Variants in AKAP7 observed in about 807,000 individuals in gnomAD.
AKAP7 encodes the protein A kinase (PRKA) anchor protein 7.
A neutral mutation model predicts 39.5 loss-of-function variants in AKAP7; 39 were observed. The ratio of observed to expected loss-of-function variants is 0.99; its 90% confidence interval spans 0.76 to 1.29. The LOEUF is 1.29. Ranked by LOEUF, AKAP7 falls within the 50% of genes most tolerant of loss-of-function variation. The pLI is 0.00. For synonymous variants in AKAP7, 140 were observed against 139.1 expected, an observed-to-expected ratio of 1.01 and a Z score of -0.05; for missense variants, 414 against 407.7, an observed-to-expected ratio of 1.02 and a Z score of -0.13.
rs1262584581 is a variant in AKAP7 at position 131,281,258 on chromosome 6, A to G, written c.851-272A>G. Among the ~76,000 whole-genome samples the G allele has an allele frequency of 4.6e-5, 7 of 152,240 alleles. No individual in the cohort carries two copies. The highest frequency in any genetic ancestry group is 1.4e-4 in the African/African-American group (6 of 41,458). Reference sequence around the variant, plus strand: ...AATTAGCCTTGGATGAGAGAAGAACAGAAATTCACATATAAATGGGAAACA... The same window carrying G: ...AATTAGCCTTGGATGAGAGAAGAACGGAAATTCACATATAAATGGGAAACA... On this transcript the variant is annotated intron_variant, in intron 7 of 7. Transcript: ENST00000431975. This position sits in a 1 kb window ranked among gnomAD's most constrained non-coding sequence, Gnocchi z 4.0.
chr6:131,178,119 T>G (rs1009176343), intron 5 of AKAP7, among the ~76,000 whole-genome samples: 2 of 152,254 alleles, frequency 1.3e-5, no homozygotes, highest in African/African-American at 4.8e-5. Flanking sequence ...AGGATTTTGT[T>G]TCATAGCTCA....
intron 7 of AKAP7, among the ~76,000 whole-genome samples, chr6:131,221,773 G>A (rs1019249052): frequency 1.3e-5 from 2 of 152,104 alleles, no homozygotes; most frequent in Non-Finnish European, 2.9e-5. Flanking sequence ...TCTGTTAATA[G>A]CATGGTTTAC....
At chr6:131,145,921 TATA>T (rs1801448140) in intron 2 of AKAP7, among the ~76,000 whole-genome samples, 2 of 152,178 alleles carry the variant, frequency 1.3e-5, no homozygotes, top group South Asian at 2.1e-4. Flanking sequence ...TATATTCATA[TATA>T]ATAATATCTG....
At chr6:131,236,648 T>A (rs1246642574) in intron 7 of AKAP7, among the ~76,000 whole-genome samples, 8 of 152,216 alleles carry the variant, frequency 5.3e-5, no homozygotes, top group Non-Finnish European at 8.8e-5. Context: ...TTCCTAGGTA[T>A]TTTATTCTCC....
intron 7 of AKAP7, among the ~76,000 whole-genome samples, chr6:131,262,633 C>A (rs1813446676): frequency 6.6e-6 from 1 of 151,034 alleles, no homozygotes; most frequent in South Asian, 2.1e-4. Flanking sequence ...ATATATATTG[C>A]AATAATTCAA....
intron 7 of AKAP7, among the ~76,000 whole-genome samples, chr6:131,221,354 C>T (rs1809679659): frequency 6.6e-6 from 1 of 152,160 alleles, no homozygotes; most frequent in Non-Finnish European, 1.5e-5. Flanking sequence ...CCAGCAGAGG[C>T]TGGTTCATGA....
At chr6:131,203,356 C>G (rs1807794976) in intron 6 of AKAP7, among the ~76,000 whole-genome samples, 4 of 151,906 alleles carry the variant, frequency 2.6e-5, no homozygotes, top group African/African-American at 9.7e-5. Flanking sequence ...AAGCAAGTGA[C>G]CATTAAATAA....
At chr6:131,142,291 A>G (rs145531418) in intron 1 of AKAP7, among the ~76,000 whole-genome samples, 1,840 of 152,368 alleles carry the variant, frequency 0.012, 20 homozygotes, top group Non-Finnish European at 0.016. Flanking sequence ...CTCCGATCAC[A>G]GACCTGGAGG....
chr6:131,271,700 T>G (rs1814296093), intron 7 of AKAP7, among the ~76,000 whole-genome samples: 1 of 152,126 alleles, frequency 6.6e-6, no homozygotes, highest in African/African-American at 2.4e-5. Flanking sequence ...GAGAGCACTT[T>G]ACAAATTACA....
At chr6:131,127,993 A>G in the AKAP7 span, among the ~76,000 whole-genome samples, 1 of 152,178 alleles carries the variant, frequency 6.6e-6, no homozygotes, top group Non-Finnish European at 1.5e-5. Flanking sequence ...AGTGGACACA[A>G]AGAAGGAAAC....
chr6:131,139,788 G>C (rs2204732), intron 1 of AKAP7, among the ~76,000 whole-genome samples: 63,222 of 152,070 alleles, frequency 0.42, 14,033 homozygotes, highest in African/African-American at 0.57. Flanking sequence ...CTATGGTGAC[G>C]ACACATGATG....
chr6:131,133,610 G>C (rs146075904), upstream of AKAP7, among the ~76,000 whole-genome samples: 10 of 152,316 alleles, frequency 6.6e-5, no homozygotes, highest in Non-Finnish European at 1.5e-5. Flanking sequence ...TTAGGTAAGA[G>C]AATGAAACTT....
chr6:131,268,697 T>C (rs918163821), intron 7 of AKAP7, among the ~76,000 whole-genome samples: 1 of 152,216 alleles, frequency 6.6e-6, no homozygotes, highest in Non-Finnish European at 1.5e-5. Context: ...TTATTTCTGC[T>C]CATATCAATT....
At chr6:131,128,216 AG>A in the AKAP7 span, among the ~76,000 whole-genome samples, 1 of 152,234 alleles carries the variant, frequency 6.6e-6, no homozygotes, top group Admixed American at 6.5e-5. Flanking sequence ...TAGTAGAAAA[AG>A]GTAAACGATT....
At chr6:131,140,701 C>T (rs1052527776) in intron 1 of AKAP7, among the ~76,000 whole-genome samples, 1 of 152,140 alleles carries the variant, frequency 6.6e-6, no homozygotes, top group African/African-American at 2.4e-5. Flanking sequence ...TTCTGATTTT[C>T]ATTCAGCCTT....
chr6:131,183,886 C>T (rs541372906), intron 5 of AKAP7, among the ~76,000 whole-genome samples: 1 of 152,246 alleles, frequency 6.6e-6, no homozygotes, highest in Non-Finnish European at 1.5e-5. Context: ...TGCTCGCTAC[C>T]AGCTGCCTTG....
chr6:131,128,247 A>C, the AKAP7 span, among the ~76,000 whole-genome samples: 1 of 152,204 alleles, frequency 6.6e-6, no homozygotes. Context: ...AATAAGCAGA[A>C]GCTTTTTATA....
At position 131,170,203 on chromosome 6, in the gene AKAP7, C is replaced by T. The variant is rs569174463; in HGVS notation, c.589+930C>T. On this transcript the variant is annotated intron_variant, in intron 5 of 7. Coordinates refer to ENST00000431975, the MANE Select transcript of AKAP7 (RefSeq NM_016377.4). Reference sequence around the variant, plus strand: ...GGGAGATATACCTAATGCTAGATGACGAGTTAGTGGGTGCAGCGCACCAGC... The same window carrying T: ...GGGAGATATACCTAATGCTAGATGATGAGTTAGTGGGTGCAGCGCACCAGC... Among the ~76,000 whole-genome samples the T allele has an allele frequency of 1.1e-4, 17 of 149,210 alleles. No homozygotes were observed. In the South Asian group the frequency reaches 3.2e-3, roughly 28 times the overall value.
chr6:131,128,820 C>T, the AKAP7 span, among the ~76,000 whole-genome samples: 1 of 42,184 alleles, frequency 2.4e-5, no homozygotes, highest in Non-Finnish European at 5.7e-5. Flanking sequence ...GAAACTCCAT[C>T]TCAAAAAAAA....
Sources: gnomAD v4.1 joint callset for allele counts (sites outside exome capture counted in the v4.1 genomes callset) on GRCh38, gnomAD v4.1.1 for gene constraint, Gnocchi (gnomAD v3.1) non-coding constraint, MANE v1.5 for transcripts, NCBI Gene and HGNC (gene_info 2026-07-23, HGNC 2026-07-21) for gene names.